Variants in TEKT1 observed in about 807,000 individuals in gnomAD.
The protein encoded by TEKT1 is tektin-1.
TEKT1 carries 32 observed loss-of-function variants against 34.8 expected under a neutral mutation model. The observed-to-expected ratio is 0.92, with a 90% CI of 0.69 to 1.23. The LOEUF is 1.23. TEKT1 is among the 50% of genes most tolerant of loss of function. The pLI, the probability that TEKT1 is intolerant of heterozygous loss-of-function variation, is 0.00. For synonymous variants in TEKT1, 207 were observed against 199.8 expected (o/e 1.04, Z -0.30); for missense variants, 492 against 518.5 (o/e 0.95, Z 0.50).
chr17:6,828,089 T>A (rs1904462580), intron 2 of TEKT1, among the ~76,000 whole-genome samples: 1 of 152,010 alleles, frequency 6.6e-6, no homozygotes, highest in Non-Finnish European at 1.5e-5. Flanking sequence ...GGACTACAGA[T>A]GCATGCCACC....
rs1483058780 is a variant in TEKT1 at position 6,800,199 on chromosome 17, A to C, written c.1085T>G (p.Leu362Arg). Residue 362 changes from leucine (L) to arginine (R), a missense_variant, in exon 8 of 8, where the codon CTG becomes CGG. Physicochemically the swap from Leu to Arg is moderately radical, Grantham distance 102. Transcript: ENST00000338694. ...KETLAQAQAE[L>R]KGLHRRQLAL... Reference sequence around the variant, plus strand: ...AAGCTGTCTGCGATGCAGCCCTTTCAGCTCTGCCTGAGCTTGGGCTAAAGT... The same window carrying C: ...AAGCTGTCTGCGATGCAGCCCTTTCCGCTCTGCCTGAGCTTGGGCTAAAGT... 4 of 1,614,184 alleles carry C rather than the reference A, an allele frequency of 2.5e-6. No individual in the cohort carries two copies. Among genetic ancestry groups the C allele is most frequent in the Non-Finnish European group, 3.4e-6 (4 of 1,180,030 alleles).
At chr17:6,828,937 G>A (rs923757267) in intron 2 of TEKT1, among the ~76,000 whole-genome samples, 6 of 152,000 alleles carry the variant, frequency 3.9e-5, no homozygotes, top group African/African-American at 1.4e-4. Flanking sequence ...GACCACCTGA[G>A]GTCAGGAGTT....
At position 6,809,381 on chromosome 17, in the gene TEKT1, G is replaced by A. The variant is rs553431579; in HGVS notation, c.852+3450C>T. Among the ~76,000 whole-genome samples, 787 of 152,166 alleles carry A rather than the reference G, an allele frequency of 5.2e-3. 5 individuals are homozygous for A. Among genetic ancestry groups the A allele is most frequent in the African/African-American group, 0.018 (733 of 41,524 alleles). On this transcript the variant is annotated intron_variant, in intron 6 of 7. Coordinates refer to ENST00000338694, the MANE Select transcript of TEKT1 (RefSeq NM_053285.2). ...CAAATAGCTGGGATTACAGGCAGGC[G>A]CCACCACAGCCAGCTAATTTTTGTA...
At chr17:6,807,053 T>G (rs1378874054) in intron 6 of TEKT1, among the ~76,000 whole-genome samples, 1 of 152,354 alleles carries the variant, frequency 6.6e-6, no homozygotes, top group Admixed American at 6.5e-5. Context: ...GATAATATAC[T>G]GCAGAGTGTT....
intron 2 of TEKT1, among the ~76,000 whole-genome samples, 173 bp downstream of exon 2, chr17:6,830,014 G>A (rs1904525910): frequency 6.6e-6 from 1 of 152,152 alleles, no homozygotes; most frequent in East Asian, 1.9e-4. Context: ...ATCAGGCTGG[G>A]TTACCTTGTG....
At chr17:6,826,567 G>A (rs1904400097) in intron 2 of TEKT1, among the ~76,000 whole-genome samples, 1 of 151,774 alleles carries the variant, frequency 6.6e-6, no homozygotes, top group East Asian at 1.9e-4. Context: ...TCTCCCATAA[G>A]TGTCATTGTT....
At chr17:6,824,453 C>T (rs1275741743) in intron 2 of TEKT1, among the ~76,000 whole-genome samples, 1 of 152,190 alleles carries the variant, frequency 6.6e-6, no homozygotes, top group African/African-American at 2.4e-5. Context: ...ACTTGGACCT[C>T]TCTACTCATT....
intron 3 of TEKT1, among the ~76,000 whole-genome samples, chr17:6,817,805 C>T (rs767095598): frequency 1.1e-4 from 16 of 152,164 alleles, no homozygotes; most frequent in Non-Finnish European, 2.1e-4. Context: ...GATTGTGGCA[C>T]ACTACAAATG....
At chr17:6,816,156 A>G (rs1977005588) in intron 3 of TEKT1, among the ~76,000 whole-genome samples, 194 bp from the exon 4 acceptor site, 2 of 152,200 alleles carry the variant, frequency 1.3e-5, no homozygotes. Flanking sequence ...ATGAAGAAAA[A>G]TTGATTGATG....
intron 6 of TEKT1, 112 bp downstream of exon 6, chr17:6,812,719 C>G: frequency 9.6e-7 from 1 of 1,041,770 alleles, no homozygotes; most frequent in Non-Finnish European, 1.4e-6. Flanking sequence ...CACGAGTTAA[C>G]CCAATATCCC....
At chr17:6,823,869 C>T (rs2151590945) in intron 2 of TEKT1, among the ~76,000 whole-genome samples, 1 of 147,082 alleles carries the variant, frequency 6.8e-6, no homozygotes, top group South Asian at 2.2e-4. Flanking sequence ...TTCACCCAGG[C>T]CGGACTGCAG....
chr17:6,804,037 A>G (rs1976813618), intron 6 of TEKT1, among the ~76,000 whole-genome samples: 2 of 152,186 alleles, frequency 1.3e-5, no homozygotes, highest in Admixed American at 6.6e-5. Context: ...TTGAATCTAT[A>G]AATTACCTTG....
chr17:6,812,403 G>A (rs4796561), intron 6 of TEKT1, among the ~76,000 whole-genome samples: 70,544 of 151,854 alleles, frequency 0.46, 16,583 homozygotes, highest in East Asian at 0.6. Context: ...AGCTCCAACC[G>A]GGTTTGGAAA....
intron 2 of TEKT1, among the ~76,000 whole-genome samples, chr17:6,826,488 C>A (rs1904397994): frequency 6.6e-6 from 1 of 151,850 alleles, no homozygotes; most frequent in Non-Finnish European, 1.5e-5. Flanking sequence ...TCTATGAATG[C>A]TTCTTTTCAG....
intron 5 of TEKT1, among the ~76,000 whole-genome samples, chr17:6,814,332 G>A (rs930338033): frequency 6.6e-6 from 1 of 152,166 alleles, no homozygotes; most frequent in Non-Finnish European, 1.5e-5. Context: ...CTATATGTAT[G>A]TTTTATTTCA....
intron 6 of TEKT1, among the ~76,000 whole-genome samples, chr17:6,806,385 G>A (rs1976844225): frequency 6.6e-6 from 1 of 152,212 alleles, no homozygotes; most frequent in East Asian, 1.9e-4. Flanking sequence ...TGGGTTTCCT[G>A]AATACAGCAC....
At chr17:6,802,459 AT>A (rs915080886) in intron 6 of TEKT1, among the ~76,000 whole-genome samples, 95 of 150,888 alleles carry the variant, frequency 6.3e-4, no homozygotes, top group African/African-American at 1.9e-3. Flanking sequence ...TTATTTATTT[AT>A]TTTTTTAAGG....
At position 6,800,939 on chromosome 17, in the gene TEKT1, ATGACCTT is replaced by A. The variant is rs1312484725; in HGVS notation, c.853-3_856del. The A allele has an allele frequency of 6.2e-7, 1 of 1,612,360 alleles. No individual in the cohort carries two copies. Among genetic ancestry groups the A allele is most frequent in the Non-Finnish European group, 8.5e-7 (1 of 1,179,050 alleles). ...TTTCTCCTGGGAAGCAATCTCTTCC[ATGACCTT>A]ACAAAAAGGATTAGAGTAGGTGAGG... On this transcript the variant is annotated splice_acceptor_variant and splice_polypyrimidine_tract_variant and coding_sequence_variant and intron_variant, in exon 7 of 8. Coordinates refer to ENST00000338694, the MANE Select transcript of TEKT1 (RefSeq NM_053285.2). LOFTEE classifies it high-confidence loss of function.
At chr17:6,814,847 AGG>A (rs5819128) in intron 5 of TEKT1, 4 of 211,436 alleles carry the variant, frequency 1.9e-5, no homozygotes, top group African/African-American at 7.2e-5. Context: ...CAAAAAAAAA[AGG>A]GGGGGGGAAA....
Sources: gnomAD v4.1 joint callset for allele counts (sites outside exome capture counted in the v4.1 genomes callset) on GRCh38, gnomAD v4.1.1 for gene constraint, MANE v1.5 for transcripts, NCBI Gene and HGNC (gene_info 2026-07-23, HGNC 2026-07-21) for gene names.